Variants in IMPG2 observed in about 807,000 individuals in gnomAD.
The protein encoded by IMPG2 is interphotoreceptor matrix proteoglycan 2.
A neutral mutation model predicts 129.2 loss-of-function variants in IMPG2; 91 were observed. That is an observed-to-expected ratio of 0.70 (90% CI 0.59 to 0.84). The LOEUF (loss-of-function observed/expected upper bound fraction) is 0.84. Ranked by LOEUF, IMPG2 falls within the 40% of genes least tolerant of loss-of-function variation. The pLI is 0.00. For synonymous variants in IMPG2, 510 were observed against 517.7 expected, an observed-to-expected ratio of 0.99 and a Z score of 0.20; for missense variants, 1,430 against 1,461.7, an observed-to-expected ratio of 0.98 and a Z score of 0.35.
chr3:101,233,772 G>T (rs1706316282), intron 14 of IMPG2, among the ~76,000 whole-genome samples: 1 of 152,076 alleles, frequency 6.6e-6, no homozygotes, highest in African/African-American at 2.4e-5. Flanking sequence ...TGGTAAGTGG[G>T]CAAATGGTGA....
chr3:101,312,024 A>G (rs1040748439), intron 2 of IMPG2, among the ~76,000 whole-genome samples: 2 of 117,080 alleles, frequency 1.7e-5, no homozygotes, highest in Non-Finnish European at 4.0e-5. Flanking sequence ...TACATCATAT[A>G]CAAAAAAAAA....
intron 18 of IMPG2, 64 bp from the exon 19 acceptor site, chr3:101,227,045 A>G (rs1706232499): frequency 2.0e-6 from 3 of 1,469,810 alleles, no homozygotes; most frequent in Non-Finnish European, 2.9e-6. Context: ...AAATGCAATT[A>G]CTGTCATACA....
At chr3:101,235,289 G>A (rs1178404323) in intron 14 of IMPG2, among the ~76,000 whole-genome samples, 1 of 152,190 alleles carries the variant, frequency 6.6e-6, no homozygotes, top group East Asian at 1.9e-4. Flanking sequence ...TGTTTTGACT[G>A]CAACCCATCC....
intron 14 of IMPG2, among the ~76,000 whole-genome samples, chr3:101,238,892 G>A (rs1441242738): frequency 3.9e-5 from 6 of 152,072 alleles, no homozygotes; most frequent in Non-Finnish European, 8.8e-5. Flanking sequence ...ATGTAAACAG[G>A]CTAAATGCCC....
Position 101,225,414 on chromosome 3 carries a change from C to T in IMPG2, c.*1555G>A, listed in dbSNP as rs1310010681. ...GCGCGCACACGCACACACACATACACGCACACACACATTCACACATACACA... is the reference window on the plus strand; with the variant it reads ...GCGCGCACACGCACACACACATACATGCACACACACATTCACACATACACA... On this transcript the variant is annotated 3_prime_UTR_variant, in exon 19 of 19. Transcript: ENST00000193391. The T allele has an allele frequency of 1.6e-4, 1 of 6,208 alleles. No individual in the cohort carries two copies. Among genetic ancestry groups the T allele is most frequent in the Admixed American group, 2.2e-3 (1 of 456 alleles). The allele number at this position is 6,208 out of a possible 1,614,324, so 0.4% of individuals were successfully genotyped here.
chr3:101,317,086 G>T (rs1441571037), intron 2 of IMPG2, among the ~76,000 whole-genome samples: 1 of 149,794 alleles, frequency 6.7e-6, no homozygotes, highest in Non-Finnish European at 1.5e-5. Flanking sequence ...AGGAGAGGTA[G>T]TGAGGGAGGT....
At chr3:101,294,826 C>G (rs1207024565) in intron 3 of IMPG2, among the ~76,000 whole-genome samples, 1 of 152,164 alleles carries the variant, frequency 6.6e-6, no homozygotes, top group African/African-American at 2.4e-5. Flanking sequence ...TTTTGATTTG[C>G]TTTTCTCAAA....
intron 14 of IMPG2, among the ~76,000 whole-genome samples, chr3:101,234,955 G>A (rs1706329853): frequency 6.6e-6 from 1 of 152,154 alleles, no homozygotes; most frequent in Admixed American, 6.5e-5. Flanking sequence ...TCAGATTTTG[G>A]AATATTTGCC....
chr3:101,227,692 T>C (rs1706239854), intron 18 of IMPG2: 1 of 425,694 alleles, frequency 2.3e-6, no homozygotes, highest in South Asian at 1.6e-5. Flanking sequence ...GATATTGCTC[T>C]GGCTGCATTC....
chr3:101,241,192 A>C (rs1255520397), intron 14 of IMPG2, among the ~76,000 whole-genome samples: 1 of 152,218 alleles, frequency 6.6e-6, no homozygotes, highest in African/African-American at 2.4e-5. Flanking sequence ...CATTATTACA[A>C]TGATCATAAC....
chr3:101,320,015 A>T (rs925797076), intron 1 of IMPG2, among the ~76,000 whole-genome samples, 183 bp from the exon 2 acceptor site: 3 of 151,864 alleles, frequency 2.0e-5, no homozygotes, highest in African/African-American at 7.3e-5. Context: ...TTTAACTCCC[A>T]CTCCTTTCAT....
chr3:101,285,601 G>A (rs1002329695), intron 4 of IMPG2, among the ~76,000 whole-genome samples: 3 of 152,066 alleles, frequency 2.0e-5, no homozygotes, highest in Admixed American at 6.6e-5. Flanking sequence ...CACATGGTAC[G>A]TATTCAATAT....
intron 18 of IMPG2, 29 bp downstream of exon 18, chr3:101,228,768 C>G (rs1261661306): frequency 6.4e-7 from 1 of 1,566,078 alleles, no homozygotes; most frequent in Non-Finnish European, 8.8e-7. Context: ...GTCTGTAGGT[C>G]GGGGTGGGGG....
Position 101,312,026 on chromosome 3 carries a change from A to G in IMPG2, c.334+7558T>C, listed in dbSNP as rs1422763398. On this transcript the variant is annotated intron_variant, in intron 2 of 18. Transcript: ENST00000193391. ...AAATTTAGATCCTTACATCATATACAAAAAAAAATCAACTCAAAATAGATG... is the reference window on the plus strand; with the variant it reads ...AAATTTAGATCCTTACATCATATACGAAAAAAAATCAACTCAAAATAGATG... 8.6e-5 allele frequency among the ~76,000 whole-genome samples: 4 copies of G among 46,300 alleles called. No homozygotes were observed. The East Asian group carries it at 3.1e-3, about 36-fold the overall frequency. The allele number at this position is 46,300 out of a possible 152,430, so 30.4% of individuals were successfully genotyped here. A position where few individuals can be genotyped will look rare whatever the true frequency, so the allele number is the denominator to read the frequency against.
In IMPG2 at chr3:101,304,143, T is replaced by A. The variant is rs1451982555; in HGVS notation, c.501+3A>T. On this transcript the variant is annotated splice_donor_region_variant and intron_variant, in intron 3 of 18. Transcript: ENST00000193391. ...GAATCCCTTCCTTTGTTGTGACACT[T>A]ACCTTCATGATTAAGCTTCTATGTT... 2 of 1,613,684 alleles carry A rather than the reference T, an allele frequency of 1.2e-6. No homozygotes were observed. The highest frequency in any genetic ancestry group is 1.7e-6 in the Non-Finnish European group (2 of 1,179,606).
chr3:101,245,957 T>C lies in IMPG2; in HGVS notation c.1388A>G (p.Lys463Arg), dbSNP rs538541184. The change falls in exon 12 of 19, where the codon AAA (lysine) becomes AGA (arginine). Residue 463 changes from lysine (K) to arginine (R), a missense_variant. Transcript: ENST00000193391. ...GCCCATCTTCGAGGGAAAGGCTAATTTGTGTGTAGACACTAAATCACCCAA... is the reference window on the plus strand; with the variant it reads ...GCCCATCTTCGAGGGAAAGGCTAATCTGTGTGTAGACACTAAATCACCCAA... ...SPLGDLVSTH[K>R]LAFPSKMGLS... 3 of 1,614,158 alleles carry C rather than the reference T, an allele frequency of 1.9e-6. No individual in the cohort carries two copies. Among genetic ancestry groups the C allele is most frequent in the African/African-American group, 2.7e-5 (2 of 75,044 alleles).
intron 11 of IMPG2, among the ~76,000 whole-genome samples, chr3:101,252,097 C>T (rs1027558070): frequency 6.6e-5 from 10 of 152,004 alleles, no homozygotes; most frequent in African/African-American, 2.2e-4. Context: ...ACAAGTGAGC[C>T]CTATTGGTGC....
chr3:101,243,921 T>C lies in IMPG2; in HGVS notation c.2410A>G (p.Ser804Gly). 5 of 1,614,210 alleles carry C rather than the reference T, an allele frequency of 3.1e-6. No individual in the cohort carries two copies. The highest frequency in any genetic ancestry group is 4.2e-6 in the Non-Finnish European group (5 of 1,180,026). ...SRDILASTPQ[S>G]ADRLWLSVTQ... ...ACAGATAACCAGAGCCTGTCAGCAC[T>C]CTGTGGTGTACTTGCCAATATGTCT... The change falls in exon 13 of 19, where the codon AGT (serine) becomes GGT (glycine). Residue 804 changes from serine to glycine, a missense_variant. Transcript: ENST00000193391.
intron 4 of IMPG2, among the ~76,000 whole-genome samples, chr3:101,287,712 C>A (rs1002389192): frequency 2.6e-5 from 4 of 152,046 alleles, no homozygotes; most frequent in African/African-American, 9.7e-5. Context: ...AACTGGAACC[C>A]TACCTTTTAT....
Sources: allele counts gnomAD v4.1 joint callset (sites outside exome capture counted in the v4.1 genomes callset), GRCh38; gene constraint gnomAD v4.1.1; transcripts MANE v1.5; gene names NCBI Gene and HGNC (gene_info 2026-07-23, HGNC 2026-07-21).